The following GRPEL2 variants were observed in gnomAD, a reference collection of about 807,000 sequenced individuals.
The protein encoded by GRPEL2 is GrpE like 2, mitochondrial.
A neutral mutation model predicts 25.9 loss-of-function variants in GRPEL2; 18 were observed. The observed-to-expected ratio is 0.70, with a 90% CI of 0.48 to 1.03. The LOEUF (loss-of-function observed/expected upper bound fraction) is 1.03. Ranked by LOEUF, GRPEL2 falls within the 50% of genes least tolerant of loss-of-function variation. The probability of loss-of-function intolerance (pLI) is 0.00; values close to 1 mark genes in which losing one functional copy is unlikely to be tolerated. For missense variants in GRPEL2, 247 were observed against 276.2 expected (o/e 0.89, Z 0.75); for synonymous variants, 106 against 107.9 (o/e 0.98, Z 0.11).
chr5:149,350,868 G>A (rs747878548), intron 3 of GRPEL2, 50 bp from the exon 4 acceptor site: 33 of 1,593,084 alleles, frequency 2.1e-5, no homozygotes, highest in African/African-American at 1.2e-4. Context: ...CTATGCCCAC[G>A]GGCAGAGTGA....
chr5:149,346,443 T>C (rs1757690660), intron 1 of GRPEL2, among the ~76,000 whole-genome samples: 1 of 152,174 alleles, frequency 6.6e-6, no homozygotes, highest in African/African-American at 2.4e-5. Context: ...GTCACCCTTT[T>C]TACCTTAACA....
In GRPEL2 at chr5:149,351,025, GAGA is replaced by G. The variant is rs1311668684; in HGVS notation, c.424_426del (p.Lys142del). On this transcript the variant is annotated inframe_deletion, in exon 4 of 4. Transcript: ENST00000329271. ...GCCTGAGGACCAAAAGCTCACTCTGGAGAAGGTCTTCCGAGGGTTGTTGCTTTT... is the reference window on the plus strand; with the variant it reads ...GCCTGAGGACCAAAAGCTCACTCTGGAGGTCTTCCGAGGGTTGTTGCTTTT... 1.1e-5 allele frequency: 17 copies of G among 1,614,206 alleles called. No individual in the cohort carries two copies. In the East Asian group the frequency reaches 2.0e-4, roughly 19 times the overall value.
Position 149,345,507 on chromosome 5 carries a change from C to T in GRPEL2, c.-33C>T, listed in dbSNP as rs900927251. On this transcript the variant is annotated 5_prime_UTR_variant, in exon 1 of 4. Transcript: ENST00000329271. ...AGCATCTCTTCACTCGCAGCAAGTG[C>T]GCGTGCGCTGCCTCTCAGCCCAAAT... 3.8e-6 allele frequency: 6 copies of T among 1,589,530 alleles called. No homozygotes were observed. The African/African-American group carries it at 4.0e-5, about 11-fold the overall frequency.
At chr5:149,349,566 G>A in intron 2 of GRPEL2, 88 bp from the exon 3 acceptor site, 2 of 916,182 alleles carry the variant, frequency 2.2e-6, no homozygotes, top group Non-Finnish European at 3.3e-6. Context: ...CTATCAAAAG[G>A]GTGAAATTTG....
rs1581360410 is a variant in GRPEL2, at chr5:149,353,560, G to T, written c.*2278G>T. On this transcript the variant is annotated 3_prime_UTR_variant, in exon 4 of 4. Coordinates refer to ENST00000329271, the MANE Select transcript of GRPEL2 (RefSeq NM_152407.4). ...TGCACCACCATGACTGGCTAGTTTT[G>T]TTTTTTGGTTTTTGGTTTTTGGTTT... 2 of 148,940 alleles carry T rather than the reference G, an allele frequency of 1.3e-5. No homozygotes were observed. The highest frequency in any genetic ancestry group is 6.7e-5 in the Admixed American group (1 of 15,018). 9.2% of individuals were successfully genotyped at this position (148,940 alleles called of 1,614,324 possible). A position where few individuals can be genotyped will look rare whatever the true frequency, so the allele number is the denominator to read the frequency against.
chr5:149,351,365 A>G lies in GRPEL2; in HGVS notation c.*83A>G. 2 of 1,371,130 alleles carry G rather than the reference A, an allele frequency of 1.5e-6. No homozygotes were observed. The highest frequency in any genetic ancestry group is 2.8e-5 in the South Asian group (2 of 71,440). The allele number at this position is 1,371,130 out of a possible 1,614,324, so 84.9% of individuals were successfully genotyped here. ...TTATTAAACTAGGTTTGTATTGTAC[A>G]TGAGGTACTTCATGTGATATGTTTT... On this transcript the variant is annotated 3_prime_UTR_variant, in exon 4 of 4. Coordinates refer to ENST00000329271, the MANE Select transcript of GRPEL2 (RefSeq NM_152407.4).
intron 3 of GRPEL2, 111 bp from the exon 4 acceptor site, chr5:149,350,807 C>T: frequency 1.8e-6 from 2 of 1,121,304 alleles, no homozygotes; most frequent in Admixed American, 2.2e-5. Flanking sequence ...AACCTTTCCA[C>T]TTGCTGGACT....
rs1157640415 is a variant in GRPEL2 at position 149,349,712 on chromosome 5, G to A, written c.290G>A (p.Cys97Tyr). 6.2e-7 allele frequency: 1 copy of A among 1,613,516 alleles called. No individual in the cohort carries two copies. The highest frequency in any genetic ancestry group is 1.7e-5 in the Admixed American group (1 of 60,016). Reference sequence around the variant, plus strand: ...AACATAAGGAGGCGAACCCAGAGATGTGTGGAAGACGCCAAGATATTTGGT... The same window carrying A: ...AACATAAGGAGGCGAACCCAGAGATATGTGGAAGACGCCAAGATATTTGGT... ...CENIRRRTQR[C>Y]VEDAKIFGIQ... Residue 97 changes from cysteine to tyrosine, a missense_variant, in exon 3 of 4, where the codon TGT (cysteine) becomes TAT (tyrosine). Cys to Tyr is a radical substitution (Grantham distance 194). Transcript: ENST00000329271.
rs1414993487 is a variant in GRPEL2 at position 149,345,528 on chromosome 5, C to A, written c.-12C>A. ...AGTGCGCGTGCGCTGCCTCTCAGCC[C>A]AAATTGGAAACATGGCCGTACGGTC... On this transcript the variant is annotated 5_prime_UTR_variant, in exon 1 of 4. Transcript: ENST00000329271. The A allele has an allele frequency of 6.2e-7, 1 of 1,609,098 alleles. No individual in the cohort carries two copies. Among genetic ancestry groups the A allele is most frequent in the African/African-American group, 1.3e-5 (1 of 74,886 alleles).
rs972634035 is a variant in GRPEL2, at chr5:149,352,316, A to G, written c.*1034A>G. ...AACATAAGTATTCTCTCCTCTTGGC[A>G]ATTTTTTTTTTTTTTCCTGTGTTGC... On this transcript the variant is annotated 3_prime_UTR_variant, in exon 4 of 4. Coordinates refer to ENST00000329271, the MANE Select transcript of GRPEL2 (RefSeq NM_152407.4). 2.7e-5 allele frequency: 4 copies of G among 148,956 alleles called. No homozygotes were observed. Among genetic ancestry groups the G allele is most frequent in the African/African-American group, 9.9e-5 (4 of 40,456 alleles). 9.2% of individuals were successfully genotyped at this position (148,956 alleles called of 1,614,324 possible). A position where few individuals can be genotyped will look rare whatever the true frequency, so the allele number is the denominator to read the frequency against.
Position 149,350,788 on chromosome 5 carries a change from CTGTGT to C in GRPEL2, c.314-129_314-125del, listed in dbSNP as rs1757762115. The C allele has an allele frequency of 4.4e-6, 4 of 899,952 alleles. No homozygotes were observed. In the South Asian group the frequency reaches 6.5e-5, roughly 15 times the overall value. 55.7% of individuals were successfully genotyped at this position (899,952 alleles called of 1,614,324 possible). A position where few individuals can be genotyped will look rare whatever the true frequency, so the allele number is the denominator to read the frequency against. On this transcript the variant is annotated intron_variant, in intron 3 of 3. Transcript: ENST00000329271. ...GGTAATCAGTGATGATCTCTGAGTC[CTGTGT>C]GGCAACCTTTCCACTTGCTGGACTA...
At chr5:149,348,752 G>A (rs138277980) in intron 2 of GRPEL2, among the ~76,000 whole-genome samples, 1 of 152,276 alleles carries the variant, frequency 6.6e-6, no homozygotes, top group Non-Finnish European at 1.5e-5. Context: ...TGAGGTCACT[G>A]ACCATTGTTC....
At chr5:149,349,833 T>G in intron 3 of GRPEL2, 98 bp downstream of exon 3, 1 of 853,666 alleles carries the variant, frequency 1.2e-6, no homozygotes, top group Non-Finnish European at 1.9e-6. Context: ...TCAGATCACA[T>G]GAGATCAGGA....
In GRPEL2 at chr5:149,349,665, G is replaced by A; in HGVS notation, c.243G>A (p.Gln81=). The change falls in exon 3 of 4, where the codon CAG becomes CAA. Residue 81 remains glutamine (Q), a synonymous_variant. Transcript: ENST00000329271. Reference sequence around the variant, plus strand: ...CTTTTGATATTCAGGTGAGATACCAGAGAGCTATAGCTGATTGTGAAAACA... The same window carrying A: ...CTTTTGATATTCAGGTGAGATACCAAAGAGCTATAGCTGATTGTGAAAACA... ...KEVQDLTVRY[Q]RAIADCENIR... The A allele has an allele frequency of 6.2e-7, 1 of 1,607,640 alleles. No homozygotes were observed. Among genetic ancestry groups the A allele is most frequent in the Admixed American group, 1.7e-5 (1 of 58,802 alleles).
At chr5:149,350,424 A>G (rs766650168) in intron 3 of GRPEL2, among the ~76,000 whole-genome samples, 4 of 152,206 alleles carry the variant, frequency 2.6e-5, no homozygotes, top group Non-Finnish European at 5.9e-5. Context: ...GCCAGTCCTC[A>G]AGAATAAACC....
rs907397469 is a variant in GRPEL2 at position 149,347,022 on chromosome 5, G to A, written c.78-1250G>A. 9.2e-5 allele frequency among the ~76,000 whole-genome samples: 14 copies of A among 152,230 alleles called. 1 individual carries two copies. The highest frequency in any genetic ancestry group is 6.2e-4 in the South Asian group (3 of 4,828). The stretch of plus-strand genomic sequence containing the variant: ...TTACAGGCGTGAGCCACCGCGCCCG[G>A]CCCCTGAGAATATTTTGACCTGCTT... On this transcript the variant is annotated intron_variant, in intron 1 of 3. Transcript: ENST00000329271.
Position 149,352,391 on chromosome 5 carries a change from C to CA in GRPEL2, c.*1111dup, listed in dbSNP as rs1453479834. The CA allele has an allele frequency of 6.6e-6, 1 of 151,812 alleles. No individual in the cohort carries two copies. The highest frequency in any genetic ancestry group is 2.4e-5 in the African/African-American group (1 of 41,324). The allele number at this position is 151,812 out of a possible 1,614,324, so 9.4% of individuals were successfully genotyped here. A position where few individuals can be genotyped will look rare whatever the true frequency, so the allele number is the denominator to read the frequency against. On this transcript the variant is annotated 3_prime_UTR_variant, in exon 4 of 4. Coordinates refer to ENST00000329271, the MANE Select transcript of GRPEL2 (RefSeq NM_152407.4). The stretch of plus-strand genomic sequence containing the variant: ...CCCAAGCAATCCTGCCTCAGCCTGC[C>CA]AAGTAGCTAGGACTACAGGCGTTCA...
chr5:149,346,333 T>A (rs1757688082), intron 1 of GRPEL2, among the ~76,000 whole-genome samples: 2 of 152,196 alleles, frequency 1.3e-5, no homozygotes, highest in South Asian at 2.1e-4. Context: ...TGTTTCTTCC[T>A]GGGATAGAGA....
At chr5:149,346,012 C>T (rs1757683114) in intron 1 of GRPEL2, among the ~76,000 whole-genome samples, 1 of 152,228 alleles carries the variant, frequency 6.6e-6, no homozygotes, top group African/African-American at 2.4e-5. Flanking sequence ...CACTGTTGTA[C>T]CTGTCAGTAA....
Sources: allele counts gnomAD v4.1 joint callset (sites outside exome capture counted in the v4.1 genomes callset), GRCh38; gene constraint gnomAD v4.1.1; transcripts MANE v1.5; gene names NCBI Gene and HGNC (gene_info 2026-07-23, HGNC 2026-07-21).